DIAPH2: variants seen among roughly 807,000 people sequenced by gnomAD.
The protein encoded by DIAPH2 is protein diaphanous homolog 2.
In DIAPH2, 35 loss-of-function variants were observed where a neutral mutation model predicts 92.7. That is an observed-to-expected ratio of 0.38 (90% CI 0.29 to 0.50). The LOEUF is 0.50. Among genes scored for constraint, DIAPH2 ranks in the 20% least tolerant of loss-of-function variants. The pLI is 0.94. For missense variants in DIAPH2, 701 were observed against 819.5 expected (o/e 0.86, Z 1.77); for synonymous variants, 301 against 280.4 (o/e 1.07, Z -0.73).
At chrX:96,906,846 T>A (rs986257825) in intron 5 of DIAPH2, among the ~76,000 whole-genome samples, 2 of 112,191 alleles carry the variant, frequency 1.8e-5, no homozygotes, top group Non-Finnish European at 3.8e-5. Context: ...AAACCTTTTT[T>A]ACATAGGGTT....
chrX:97,558,999 C>T (rs2071275350), intron 26 of DIAPH2, among the ~76,000 whole-genome samples: 1 of 112,093 alleles, frequency 8.9e-6, no homozygotes, highest in Non-Finnish European at 1.9e-5. Context: ...TGAGGCTTAG[C>T]TCCCAATCAG....
intron 22 of DIAPH2, among the ~76,000 whole-genome samples, chrX:97,181,577 A>T (rs1427285801): frequency 2.7e-5 from 3 of 110,561 alleles, no homozygotes; most frequent in Admixed American, 9.6e-5. Flanking sequence ...ACCCCAGCTA[A>T]TTTTGTATTT....
chrX:97,245,835 G>A (rs1602446506), intron 22 of DIAPH2, among the ~76,000 whole-genome samples: 1 of 110,975 alleles, frequency 9.0e-6, no homozygotes, highest in Non-Finnish European at 1.9e-5. Flanking sequence ...TTTGGGTAAT[G>A]TGCCCTGAAC....
chrX:97,470,525 A>G (rs893625999), intron 26 of DIAPH2, among the ~76,000 whole-genome samples: 2 of 110,853 alleles, frequency 1.8e-5, no homozygotes, highest in East Asian at 2.8e-4. Flanking sequence ...GTATTCTACT[A>G]TTGAGATACT....
intron 23 of DIAPH2, among the ~76,000 whole-genome samples, chrX:97,335,093 G>A (rs963870781): frequency 9.3e-6 from 1 of 107,763 alleles, no homozygotes; most frequent in Non-Finnish European, 1.9e-5. Context: ...TCTAGATGGC[G>A]ATGAAAAAGT....
intron 22 of DIAPH2, among the ~76,000 whole-genome samples, chrX:97,145,282 CAGTAGT>C (rs3044923): frequency 1.6e-4 from 15 of 92,096 alleles, no homozygotes; most frequent in Admixed American, 2.5e-4. Flanking sequence ...GAACTACTAC[CAGTAGT>C]AGTAGTAGTA....
chrX:97,574,056 A>G (rs1215536687), intron 26 of DIAPH2, among the ~76,000 whole-genome samples: 1 of 111,962 alleles, frequency 8.9e-6, no homozygotes, highest in Non-Finnish European at 1.9e-5. Flanking sequence ...ATATGACTGT[A>G]ACAACAAACT....
intron 20 of DIAPH2, among the ~76,000 whole-genome samples, chrX:97,111,563 G>A (rs2066980549): frequency 8.9e-6 from 1 of 111,874 alleles, no homozygotes; most frequent in Non-Finnish European, 1.9e-5. Context: ...GCTATAACTG[G>A]TCGGTTACTA....
At chrX:97,132,092 A>G (rs765118507) in intron 21 of DIAPH2, among the ~76,000 whole-genome samples, 7 of 112,257 alleles carry the variant, frequency 6.2e-5, no homozygotes, top group Non-Finnish European at 1.1e-4. Context: ...TCCTTATTCC[A>G]TTTAATGTTG....
At chrX:96,916,971 A>G (rs1424238615) in intron 8 of DIAPH2, among the ~76,000 whole-genome samples, 1 of 111,785 alleles carries the variant, frequency 8.9e-6, no homozygotes, top group African/African-American at 3.2e-5. Context: ...ATCTTATAAT[A>G]GTATTTTACT....
intron 23 of DIAPH2, among the ~76,000 whole-genome samples, chrX:97,268,792 T>C: frequency 9.0e-6 from 1 of 110,872 alleles, no homozygotes; most frequent in East Asian, 2.8e-4. Context: ...AATTGTCAGC[T>C]GAACTGAAAT....
intron 26 of DIAPH2, among the ~76,000 whole-genome samples, chrX:97,476,692 G>A (rs1300448255): frequency 1.8e-5 from 2 of 108,980 alleles, no homozygotes; most frequent in African/African-American, 6.7e-5. Flanking sequence ...GGGCGCCGTG[G>A]CTCATGCCTG....
chrX:96,700,524 A>C (rs1175294623), intron 1 of DIAPH2, among the ~76,000 whole-genome samples: 1 of 112,623 alleles, frequency 8.9e-6, no homozygotes, highest in Non-Finnish European at 1.9e-5. Flanking sequence ...TTTGACATCT[A>C]AGTTTGATAC....
intron 22 of DIAPH2, among the ~76,000 whole-genome samples, chrX:97,201,309 A>G (rs1389892978): frequency 9.2e-6 from 1 of 109,108 alleles, no homozygotes; most frequent in Admixed American, 1.0e-4. Context: ...AACTGGACGG[A>G]GGATGAGACT....
intron 1 of DIAPH2, among the ~76,000 whole-genome samples, chrX:96,718,336 GT>G (rs962776012): frequency 0.035 from 382 of 10,897 alleles, 4 homozygotes; most frequent in Non-Finnish European, 0.045. Context: ...CATTTTCTTT[GT>G]TTTTTTTTTT....
intron 25 of DIAPH2, among the ~76,000 whole-genome samples, chrX:97,404,935 G>A (rs939890320): frequency 2.7e-5 from 3 of 111,872 alleles, no homozygotes; most frequent in Non-Finnish European, 5.6e-5. Context: ...AGATAATATT[G>A]TCATTATTTC....
intron 22 of DIAPH2, among the ~76,000 whole-genome samples, chrX:97,154,123 T>C (rs960717878): frequency 1.1e-4 from 12 of 111,667 alleles, no homozygotes; most frequent in Non-Finnish European, 1.5e-4. Flanking sequence ...CTCGGCACTG[T>C]TTCTTAATTA....
intron 25 of DIAPH2, among the ~76,000 whole-genome samples, chrX:97,385,814 A>G (rs1273577857): frequency 1.8e-5 from 2 of 112,022 alleles, no homozygotes; most frequent in African/African-American, 6.5e-5. Flanking sequence ...TTAGGAACCA[A>G]TTTAATCCTC....
At chrX:97,510,734 C>G (rs1250646695) in intron 26 of DIAPH2, among the ~76,000 whole-genome samples, 10 of 95,187 alleles carry the variant, frequency 1.1e-4, no homozygotes, top group African/African-American at 3.4e-4. Flanking sequence ...ATATGGCTAG[C>G]CAGTTTTCCC....
Sources: allele counts gnomAD v4.1 joint callset (sites outside exome capture counted in the v4.1 genomes callset), GRCh38; gene constraint gnomAD v4.1.1; transcripts MANE v1.5; gene names NCBI Gene and HGNC (gene_info 2026-07-23, HGNC 2026-07-21).